The following EXOC4 variants were observed in gnomAD, a reference collection of about 807,000 sequenced individuals.
EXOC4 encodes the protein SEC8-like 1.
In EXOC4, 71 loss-of-function variants were observed where a neutral mutation model predicts 107.2. The ratio of observed to expected loss-of-function variants is 0.66; its 90% CI spans 0.55 to 0.81. The LOEUF is 0.81. Ranked by LOEUF, EXOC4 falls within the 30% of genes least tolerant of loss-of-function variation. The pLI, the probability that EXOC4 is intolerant of heterozygous loss-of-function variation, is 0.00. For missense variants in EXOC4, 1,108 were observed against 1,189.6 expected, an observed-to-expected ratio of 0.93 and a Z score of 1.01; for synonymous variants, 456 against 441.2, an observed-to-expected ratio of 1.03 and a Z score of -0.42.
chr7:133,895,830 A>T (rs1489454711), intron 12 of EXOC4, 95 bp downstream of exon 12: 4 of 1,357,470 alleles, frequency 2.9e-6, no homozygotes, highest in Non-Finnish European at 4.1e-6. Context: ...TTCCAAAAGG[A>T]TCATCTCTGA....
chr7:134,030,145 A>C (rs890099098), intron 17 of EXOC4, among the ~76,000 whole-genome samples: 4 of 152,212 alleles, frequency 2.6e-5, no homozygotes, highest in Non-Finnish European at 5.9e-5. Context: ...ATGGGAGCAG[A>C]ACTTTGTGAT....
chr7:133,427,127 C>T (rs1563061373), intron 7 of EXOC4, among the ~76,000 whole-genome samples: 1 of 151,452 alleles, frequency 6.6e-6, no homozygotes, highest in Non-Finnish European at 1.5e-5. Context: ...TCAAGATAAT[C>T]ATTTTTTTGC....
chr7:133,480,846 G>A (rs1799137195), intron 9 of EXOC4: 1 of 151,938 alleles, frequency 6.6e-6, no homozygotes, highest in Non-Finnish European at 1.5e-5. Flanking sequence ...TTGAGTCCAG[G>A]AGTTCAAGAC....
rs1798805096 is a variant in EXOC4, at chr7:133,469,062, C to T, written c.1183-6266C>T. Among the ~76,000 whole-genome samples, 3 of 152,128 alleles carry T rather than the reference C, an allele frequency of 2.0e-5. No homozygotes were observed. The South Asian group carries it at 6.2e-4, about 31-fold the overall frequency. On this transcript the variant is annotated intron_variant, in intron 7 of 17. Transcript: ENST00000253861. ...ATGAGAAGCAGTCTATTATCAGACT[C>T]ATCAAAGAGGACCAATATACTATGG...
At chr7:133,964,228 TC>T (rs1801010953) in intron 14 of EXOC4, among the ~76,000 whole-genome samples, 1 of 152,162 alleles carries the variant, frequency 6.6e-6, no homozygotes, top group Non-Finnish European at 1.5e-5. Context: ...ACCTCCTGGC[TC>T]CTTGTCCAGT....
At chr7:133,857,147 C>CGT (rs1491383561) in intron 11 of EXOC4, among the ~76,000 whole-genome samples, 3 of 19,092 alleles carry the variant, frequency 1.6e-4, no homozygotes, top group African/African-American at 6.8e-4. Flanking sequence ...TACACATACA[C>CGT]GTATATATAT....
chr7:133,852,098 C>T (rs1019286345), intron 11 of EXOC4, among the ~76,000 whole-genome samples: 1 of 152,098 alleles, frequency 6.6e-6, no homozygotes. Flanking sequence ...TGTTCTCAAG[C>T]CTTATTAGAA....
chr7:133,989,557 T>C (rs959322716), intron 14 of EXOC4, among the ~76,000 whole-genome samples: 1 of 151,728 alleles, frequency 6.6e-6, no homozygotes, highest in Non-Finnish European at 1.5e-5. Context: ...CCCAGAAGAG[T>C]ATGCCATATA....
At chr7:133,564,817 A>G (rs540266775) in intron 9 of EXOC4, among the ~76,000 whole-genome samples, 1 of 152,298 alleles carries the variant, frequency 6.6e-6, no homozygotes, top group Admixed American at 6.5e-5. Flanking sequence ...AATGAGTGGA[A>G]ATATTTTCTA....
chr7:133,414,863 A>C (rs1002721482), intron 7 of EXOC4, among the ~76,000 whole-genome samples: 1 of 152,082 alleles, frequency 6.6e-6, no homozygotes, highest in Non-Finnish European at 1.5e-5. Context: ...ACTGCAGTCA[A>C]TTTTAGAAAA....
At chr7:133,293,971 A>C (rs948969021) in intron 3 of EXOC4, among the ~76,000 whole-genome samples, 7 of 152,204 alleles carry the variant, frequency 4.6e-5, no homozygotes, top group African/African-American at 1.7e-4. Context: ...TTGCAGCATC[A>C]CATTTCTGCA....
intron 14 of EXOC4, among the ~76,000 whole-genome samples, chr7:133,950,545 G>C (rs1217045982): frequency 6.6e-6 from 1 of 152,198 alleles, no homozygotes; most frequent in Non-Finnish European, 1.5e-5. Flanking sequence ...CTGTCCAAGA[G>C]AGTCTCTCCC....
At chr7:133,767,021 G>A (rs1429440645) in intron 10 of EXOC4, among the ~76,000 whole-genome samples, 3 of 151,800 alleles carry the variant, frequency 2.0e-5, no homozygotes, top group Non-Finnish European at 2.9e-5. Flanking sequence ...ACTTATCCTA[G>A]TGATAAGCGG....
intron 7 of EXOC4, among the ~76,000 whole-genome samples, chr7:133,438,220 T>G (rs934608229): frequency 9.2e-5 from 14 of 152,214 alleles, no homozygotes; most frequent in African/African-American, 3.4e-4. Flanking sequence ...TGTTAATTAT[T>G]TAATTATCCT....
chr7:133,285,340 A>G, intron 2 of EXOC4, among the ~76,000 whole-genome samples: 1 of 152,192 alleles, frequency 6.6e-6, no homozygotes, highest in African/African-American at 2.4e-5. Context: ...GTGGTGGAAC[A>G]CATTCTTCAG....
chr7:133,575,088 A>AT (rs200558956), intron 9 of EXOC4, among the ~76,000 whole-genome samples: 33 of 151,796 alleles, frequency 2.2e-4, no homozygotes, highest in African/African-American at 6.0e-4. Flanking sequence ...TTTTAAATTG[A>AT]TTTTTTTTTC....
chr7:134,071,630 CCTT>C, the EXOC4 span, among the ~76,000 whole-genome samples: 3 of 152,194 alleles, frequency 2.0e-5, no homozygotes, highest in East Asian at 1.9e-4. Flanking sequence ...GGGTGTATGC[CCTT>C]CTTATCTCCT....
intron 14 of EXOC4, among the ~76,000 whole-genome samples, chr7:133,966,601 G>T (rs1395682919): frequency 6.6e-6 from 1 of 152,172 alleles, no homozygotes; most frequent in Non-Finnish European, 1.5e-5. Flanking sequence ...TTTGGTCATT[G>T]GTTCTGTTTA....
intron 10 of EXOC4, among the ~76,000 whole-genome samples, chr7:133,740,604 C>G (rs935535972): frequency 6.6e-6 from 1 of 152,182 alleles, no homozygotes; most frequent in Non-Finnish European, 1.5e-5. Flanking sequence ...ATATAAAATG[C>G]TTCAGAAACA....
Sources: allele counts gnomAD v4.1 joint callset (sites outside exome capture counted in the v4.1 genomes callset), GRCh38; gene constraint gnomAD v4.1.1; transcripts MANE v1.5; gene names NCBI Gene and HGNC (gene_info 2026-07-23, HGNC 2026-07-21).